MUC4: variants seen among roughly 807,000 people sequenced by gnomAD.
MUC4 encodes mucin-4.
A neutral mutation model predicts 257.9 loss-of-function variants in MUC4; 202 were observed. The observed-to-expected ratio is 0.78, with a 90% CI of 0.70 to 0.88. The LOEUF is 0.88. Ranked by LOEUF, MUC4 falls within the 40% of genes least tolerant of loss-of-function variation. The probability of loss-of-function intolerance (pLI) is 0.00; values close to 1 mark genes in which losing one functional copy is unlikely to be tolerated. For synonymous variants in MUC4, 2,351 were observed against 2,757.1 expected (o/e 0.85, Z 4.62); for missense variants, 5,976 against 6,513.7 (o/e 0.92, Z 2.84).
At position 195,788,393 on chromosome 3, in the gene MUC4, A is replaced by T. The variant is rs1452789801; in HGVS notation, c.3187T>A (p.Ser1063Thr). Reference sequence around the variant, plus strand: ...GTGACGTGACCTGTGGATGCTGAGGAAGTGTCAGTGACAGGAAGAGGGGTG... The same window carrying T: ...GTGACGTGACCTGTGGATGCTGAGGTAGTGTCAGTGACAGGAAGAGGGGTG... ...DSTPLPVTDTSSASTGHVTPL... is the reference protein window; with the variant it reads ...DSTPLPVTDTTSASTGHVTPL... The change falls in exon 2 of 25, where the codon TCC (serine) becomes ACC (threonine). Residue 1063 changes from serine (S) to threonine (T), a missense_variant. Ser to Thr is a moderately conservative substitution (Grantham distance 58). Transcript: ENST00000463781. The T allele has an allele frequency of 6.7e-7, 1 of 1,485,874 alleles. No homozygotes were observed. The highest frequency in any genetic ancestry group is 1.2e-5 in the South Asian group (1 of 80,824). 92.0% of individuals were successfully genotyped at this position (1,485,874 alleles called of 1,614,324 possible). A position where few individuals can be genotyped will look rare whatever the true frequency, so the allele number is the denominator to read the frequency against.
intron 5 of MUC4, among the ~76,000 whole-genome samples, chr3:195,771,178 T>C (rs1321189640): frequency 0.076 from 2,188 of 28,756 alleles, 98 homozygotes; most frequent in East Asian, 0.19. Context: ...GTCTCGTGGT[T>C]GGGTTGGGGT....
Position 195,778,414 on chromosome 3 carries a change from T to C in MUC4, c.12832A>G (p.Thr4278Ala). 1 of 1,613,074 alleles carries C rather than the reference T, an allele frequency of 6.2e-7. No homozygotes were observed. The highest frequency in any genetic ancestry group is 8.5e-7 in the Non-Finnish European group (1 of 1,179,852). Residue 4278 changes from threonine (T) to alanine (A), a missense_variant, in exon 3 of 25, where the codon ACA becomes GCA. Thr to Ala is a moderately conservative substitution (Grantham distance 58, BLOSUM62 0). This residue lies in a region of MUC4 where 233 missense variants were observed against 171.2 expected (regional missense o/e 1.36). Transcript: ENST00000463781. ...PSLKTDGGRR[T>A]ATSPPPTTSQ... Reference sequence around the variant, plus strand: ...GTTGTGGGGGGTGGTGATGTGGCTGTGCGTCTCCCACCGTCTGTCTTCAGT... The same window carrying C: ...GTTGTGGGGGGTGGTGATGTGGCTGCGCGTCTCCCACCGTCTGTCTTCAGT...
intron 8 of MUC4, 91 bp downstream of exon 8, chr3:195,766,572 G>A (rs1209963533): frequency 8.7e-7 from 1 of 1,144,606 alleles, no homozygotes; most frequent in South Asian, 1.3e-5. Context: ...GTGATGTTAG[G>A]GAGGTGCCCT....
rs762009200 is a variant in MUC4, at chr3:195,783,871, G to T, written c.7709C>A (p.Ser2570Tyr). Residue 2570 changes from serine to tyrosine, a missense_variant, in exon 2 of 25, where the codon TCC (serine) becomes TAC (tyrosine). Around this residue, in one of 44 missense-constraint regions of MUC4, gnomAD observed 135 missense variants for 114.7 expected, o/e 1.18. Coordinates refer to ENST00000463781, the MANE Select transcript of MUC4 (RefSeq NM_018406.7). Reference sequence around the variant, plus strand: ...AGGAAGAGGGGTGGCGTGACCTGTGGATGCTGCGGAAGTGTCGGTGACAGG... The same window carrying T: ...AGGAAGAGGGGTGGCGTGACCTGTGTATGCTGCGGAAGTGTCGGTGACAGG... ...SLPVTDTSAA[S>Y]TGHATPLPVT... The T allele has an allele frequency of 4.6e-6, 7 of 1,507,340 alleles. No homozygotes were observed. The highest frequency in any genetic ancestry group is 2.5e-5 in the East Asian group (1 of 39,676). 93.4% of individuals were successfully genotyped at this position (1,507,340 alleles called of 1,614,324 possible). A position where few individuals can be genotyped will look rare whatever the true frequency, so the allele number is the denominator to read the frequency against.
Position 195,782,897 on chromosome 3 carries a change from T to A in MUC4, c.8683A>T (p.Thr2895Ser), listed in dbSNP as rs747495329. ...GAAAGGCTGGTGAGAGGAAGAGGGGTAGCGTGACCTGTGGACACTGAGGAA... is the reference window on the plus strand; with the variant it reads ...GAAAGGCTGGTGAGAGGAAGAGGGGAAGCGTGACCTGTGGACACTGAGGAA... Reference protein sequence around the residue: ...DASSVSTGHATPLPLTSLSSV... With the variant: ...DASSVSTGHASPLPLTSLSSV... Residue 2895 changes from threonine (T) to serine (S), a missense_variant, in exon 2 of 25, where the codon ACC becomes TCC. Transcript: ENST00000463781. 2 of 1,517,492 alleles carry A rather than the reference T, an allele frequency of 1.3e-6. 1 individual carries two copies. Among genetic ancestry groups the A allele is most frequent in the Non-Finnish European group, 1.8e-6 (2 of 1,125,732 alleles). The allele number at this position is 1,517,492 out of a possible 1,614,324, so 94.0% of individuals were successfully genotyped here.
chr3:195,760,095 G>A (rs144592651), intron 16 of MUC4, among the ~76,000 whole-genome samples: 75 of 152,228 alleles, frequency 4.9e-4, no homozygotes, highest in African/African-American at 1.7e-3. Context: ...AACATTTATT[G>A]AGCTAAGTGG....
chr3:195,791,788 C>T (rs572974122), intron 1 of MUC4, among the ~76,000 whole-genome samples: 9 of 152,242 alleles, frequency 5.9e-5, no homozygotes, highest in East Asian at 1.9e-4. Context: ...CCAAAACTGA[C>T]ATATAAACCA....
rs377680835 is a variant in MUC4, at chr3:195,779,390, G to T, written c.12190C>A (p.Pro4064Thr). Residue 4064 changes from proline to threonine, a missense_variant, in exon 2 of 25, where the codon CCT (proline) becomes ACT (threonine). This residue lies in a region of MUC4 where 293 missense variants were observed against 294.5 expected (regional missense o/e 1.00). Coordinates refer to ENST00000463781, the MANE Select transcript of MUC4 (RefSeq NM_018406.7). Reference sequence around the variant, plus strand: ...GAGGAAGGGCTGGTGACATGAAGAGGGGTGGCGTGACCTGTGGATAATGAG... The same window carrying T: ...GAGGAAGGGCTGGTGACATGAAGAGTGGTGGCGTGACCTGTGGATAATGAG... Reference protein sequence around the residue: ...ASSLSTGHATPLHVTSPSSAS... With the variant: ...ASSLSTGHATTLHVTSPSSAS... 707 of 1,183,594 alleles carry T rather than the reference G, an allele frequency of 6.0e-4. 223 individuals are homozygous for T. Among genetic ancestry groups the T allele is most frequent in the South Asian group, 3.0e-3 (215 of 70,624 alleles). The allele number at this position is 1,183,594 out of a possible 1,614,324, so 73.3% of individuals were successfully genotyped here.
chr3:195,799,885 A>C (rs1049776857), intron 1 of MUC4, among the ~76,000 whole-genome samples: 2 of 152,152 alleles, frequency 1.3e-5, no homozygotes, highest in Non-Finnish European at 2.9e-5. Flanking sequence ...GGCAGTGTGC[A>C]AGAGTGTGCC....
chr3:195,781,981 G>C lies in MUC4; in HGVS notation c.9599C>G (p.Pro3200Arg). 1.3e-6 allele frequency: 2 copies of C among 1,494,490 alleles called. No homozygotes were observed. The highest frequency in any genetic ancestry group is 2.5e-5 in the East Asian group (1 of 40,014). 92.6% of individuals were successfully genotyped at this position (1,494,490 alleles called of 1,614,324 possible). A position where few individuals can be genotyped will look rare whatever the true frequency, so the allele number is the denominator to read the frequency against. Residue 3200 changes from proline (P) to arginine (R), a missense_variant, in exon 2 of 25, where the codon CCT (proline) becomes CGT (arginine). Pro to Arg is a moderately radical substitution (Grantham distance 103). Around this residue, in one of 44 missense-constraint regions of MUC4, gnomAD observed 28 missense variants for 79.1 expected, o/e 0.35. Transcript: ENST00000463781. ...PSSASTGHAT[P>R]LLVTDASSAS... ...TGAGGAAGCGTCGGTGACAAGAAGAGGAGTGGCGTGACCTGTGGATGCTGA... is the reference window on the plus strand; with the variant it reads ...TGAGGAAGCGTCGGTGACAAGAAGACGAGTGGCGTGACCTGTGGATGCTGA...
chr3:195,778,659 C>T, intron 2 of MUC4, 131 bp downstream of exon 2: 5 of 1,282,588 alleles, frequency 3.9e-6, no homozygotes, highest in South Asian at 3.0e-5. Flanking sequence ...CACCCATCAC[C>T]TCCTCCCCTG....
intron 2 of MUC4, 61 bp from the exon 3 acceptor site, chr3:195,778,516 G>C: frequency 6.3e-7 from 1 of 1,584,834 alleles, no homozygotes. Context: ...GAGAGTCAAA[G>C]AGATTCAAAG....
chr3:195,770,385 G>T lies in MUC4; in HGVS notation c.13243-14C>A, dbSNP rs1480895146. ...CGTCTCGTATTCCTAGGAAAGGAGG[G>T]CAGATGAAAACAAGCCAACGAGGGT... is the stretch of plus-strand genomic sequence containing the variant. On this transcript the variant is annotated splice_polypyrimidine_tract_variant and intron_variant, in intron 5 of 24. Coordinates refer to ENST00000463781, the MANE Select transcript of MUC4 (RefSeq NM_018406.7). 2 of 1,613,104 alleles carry T rather than the reference G, an allele frequency of 1.2e-6. No homozygotes were observed. The highest frequency in any genetic ancestry group is 1.7e-6 in the Non-Finnish European group (2 of 1,179,744).
rs540712980 is a variant in MUC4 at position 195,763,631 on chromosome 3, G to A, written c.14055C>T (p.Phe4685=). The change falls in exon 12 of 25, where the codon TTC becomes TTT. Residue 4685 remains phenylalanine, a synonymous_variant. Transcript: ENST00000463781. ...TYRPPQPAWM[F]GDPHITTLDG... ...CCAAGGTGGTGATGTGGGGGTCCCCGAACATCCAGGCTGGAAGGAAAAAAG... is the reference window on the plus strand; with the variant it reads ...CCAAGGTGGTGATGTGGGGGTCCCCAAACATCCAGGCTGGAAGGAAAAAAG... The A allele has an allele frequency of 8.5e-6, 13 of 1,533,200 alleles. No individual in the cohort carries two copies. The East Asian group carries it at 9.6e-5, about 11-fold the overall frequency. The allele number at this position is 1,533,200 out of a possible 1,614,324, so 95.0% of individuals were successfully genotyped here. A position where few individuals can be genotyped will look rare whatever the true frequency, so the allele number is the denominator to read the frequency against.
In MUC4 at chr3:195,781,164, A is replaced by T; in HGVS notation, c.10416T>A (p.Pro3472=). 1 of 1,489,350 alleles carries T rather than the reference A, an allele frequency of 6.7e-7. No homozygotes were observed. Among genetic ancestry groups the T allele is most frequent in the South Asian group, 1.3e-5 (1 of 75,844 alleles). The allele number at this position is 1,489,350 out of a possible 1,614,324, so 92.3% of individuals were successfully genotyped here. The part of the protein sequence containing the change: ...TSSASTGDTT[P]LPVTSPSSAS... Reference sequence around the variant, plus strand: ...CTGAGGAAGGGCTGGTGACAGGAAGAGGGGTGGTGTCACCTGTGGATGCTG... The same window carrying T: ...CTGAGGAAGGGCTGGTGACAGGAAGTGGGGTGGTGTCACCTGTGGATGCTG... Residue 3472 remains proline, a synonymous_variant, in exon 2 of 25, where the codon CCT becomes CCA. Transcript: ENST00000463781.
intron 1 of MUC4, among the ~76,000 whole-genome samples, chr3:195,800,097 A>T (rs1735104927): frequency 6.6e-6 from 1 of 151,982 alleles, no homozygotes; most frequent in African/African-American, 2.4e-5. Flanking sequence ...GGCCAACATG[A>T]TGAAACCCCA....
rs765211773 is a variant in MUC4, at chr3:195,754,259, G to A, written c.15282C>T (p.Cys5094=). 19 of 1,613,818 alleles carry A rather than the reference G, an allele frequency of 1.2e-5. No individual in the cohort carries two copies. Among genetic ancestry groups the A allele is most frequent in the African/African-American group, 4.0e-5 (3 of 74,924 alleles). ...PSVHCVPGKG[C]EACPPNLTGD... ...CAGTCAGGTTTGGAGGGCAGGCCTC[G>A]CAGCCCTTCCCAGGAACGCAGTGGA... Residue 5094 remains cysteine, a synonymous_variant, in exon 19 of 25, where the codon TGC becomes TGT. Coordinates refer to ENST00000463781, the MANE Select transcript of MUC4 (RefSeq NM_018406.7).
chr3:195,767,507 C>T (rs1342354679), intron 7 of MUC4, among the ~76,000 whole-genome samples: 6 of 140,814 alleles, frequency 4.3e-5, no homozygotes, highest in East Asian at 2.2e-4. Context: ...ATCACCACCA[C>T]CATCACCATC....
chr3:195,790,096 T>C lies in MUC4; in HGVS notation c.1484A>G (p.Lys495Arg). 1 of 1,614,036 alleles carries C rather than the reference T, an allele frequency of 6.2e-7. No individual in the cohort carries two copies. ...TGTTTGTGACCAAGTTGTGTGGCCT[T>C]TGCTGGAGAATGAGGAAGGCCATGT... ...TTTWPSSFSS[K>R]GHTTWSQTEL... Residue 495 changes from lysine (K) to arginine (R), a missense_variant, in exon 2 of 25, where the codon AAA becomes AGA. Transcript: ENST00000463781.
Sources: gnomAD v4.1 joint callset for allele counts (sites outside exome capture counted in the v4.1 genomes callset) on GRCh38, gnomAD v4.1.1 for gene constraint, gnomAD v4.1.1 regional missense constraint, MANE v1.5 for transcripts, NCBI Gene and HGNC (gene_info 2026-07-23, HGNC 2026-07-21) for gene names.